The following PDE6A variants were observed in gnomAD, a reference collection of about 807,000 sequenced individuals.
PDE6A encodes phosphodiesterase 6A, also known as rod cGMP-specific 3',5'-cyclic phosphodiesterase subunit alpha.
In PDE6A, 84 loss-of-function variants were observed where a neutral mutation model predicts 106.3. The ratio of observed to expected loss-of-function variants is 0.79; its 90% CI spans 0.66 to 0.95. PDE6A has a LOEUF of 0.95. Among genes scored for constraint, PDE6A ranks in the 40% least tolerant of loss-of-function variants. PDE6A has a pLI of 0.00. For synonymous variants in PDE6A, 394 were observed against 386.6 expected (o/e 1.02, Z -0.23); for missense variants, 1,052 against 1,084.9 (o/e 0.97, Z 0.43).
At chr5:149,911,232 T>C (rs1753375891) in intron 6 of PDE6A, among the ~76,000 whole-genome samples, 1 of 152,114 alleles carries the variant, frequency 6.6e-6, no homozygotes. Flanking sequence ...CTTTAGTCCT[T>C]ACACACACAC....
At chr5:149,935,710 C>T (rs1477254284) in intron 1 of PDE6A, among the ~76,000 whole-genome samples, 2 of 152,176 alleles carry the variant, frequency 1.3e-5, no homozygotes, top group Admixed American at 1.3e-4. Context: ...CTTAAATTTA[C>T]AAGAATCCTC....
rs536823817 is a variant in PDE6A, at chr5:149,878,225, G to A, written c.2135+5204C>T. On this transcript the variant is annotated intron_variant, in intron 17 of 21. Transcript: ENST00000255266. ...CTTGGAAGGACATGAGTTCCCAGAG[G>A]GGTATGTGTGCCGTCAGCTGAAGAT... is the stretch of plus-strand genomic sequence containing the variant. Among the ~76,000 whole-genome samples, 10 of 152,236 alleles carry A rather than the reference G, an allele frequency of 6.6e-5. No homozygotes were observed. The East Asian group carries it at 1.9e-3, about 29-fold the overall frequency.
intron 17 of PDE6A, among the ~76,000 whole-genome samples, chr5:149,871,383 C>A (rs1444562133): frequency 6.6e-6 from 1 of 152,158 alleles, no homozygotes; most frequent in Non-Finnish European, 1.5e-5. Context: ...AAAGGACTTC[C>A]ATTCTTGGAG....
chr5:149,879,295 C>G (rs955313379), intron 17 of PDE6A, among the ~76,000 whole-genome samples: 1 of 152,132 alleles, frequency 6.6e-6, no homozygotes, highest in African/African-American at 2.4e-5. Flanking sequence ...TGGTCTCCAA[C>G]TTCAGACCTC....
At chr5:149,885,008 A>G (rs1393717266) in intron 14 of PDE6A, 141 bp from the exon 15 acceptor site, 1 of 716,832 alleles carries the variant, frequency 1.4e-6, no homozygotes, top group East Asian at 2.7e-5. Flanking sequence ...TAGAGAATCT[A>G]CTAAATAGCA....
At chr5:149,862,309 C>A (rs890119402) in intron 21 of PDE6A, among the ~76,000 whole-genome samples, 1 of 152,176 alleles carries the variant, frequency 6.6e-6, no homozygotes, top group Non-Finnish European at 1.5e-5. Context: ...CAACAAGGAA[C>A]AATTTGAGTT....
chr5:149,898,519 G>T lies in PDE6A; in HGVS notation c.1264-13C>A. 1 of 1,611,470 alleles carries T rather than the reference G, an allele frequency of 6.2e-7. No homozygotes were observed. Among genetic ancestry groups the T allele is most frequent in the Non-Finnish European group, 8.5e-7 (1 of 1,179,660 alleles). ...ATTGAGTCAAAGACTGAAAAAGAAA[G>T]AAAGGAGGAATCAGAGACAGAACAC... On this transcript the variant is annotated splice_polypyrimidine_tract_variant and intron_variant, in intron 9 of 21. Coordinates refer to ENST00000255266, the MANE Select transcript of PDE6A (RefSeq NM_000440.3).
intron 7 of PDE6A, among the ~76,000 whole-genome samples, chr5:149,905,594 C>T (rs1753150645): frequency 6.6e-6 from 1 of 152,180 alleles, no homozygotes; most frequent in Admixed American, 6.5e-5. Flanking sequence ...CCAGCTTCAC[C>T]CTCTCAATAT....
intron 3 of PDE6A, chr5:149,932,012 G>A: frequency 6.7e-7 from 1 of 1,499,562 alleles, no homozygotes; most frequent in African/African-American, 1.4e-5. Flanking sequence ...GTTACCTCTA[G>A]CGGCAAAACC....
intron 3 of PDE6A, chr5:149,932,068 C>A: frequency 2.1e-6 from 3 of 1,403,582 alleles, no homozygotes; most frequent in Non-Finnish European, 3.0e-6. Flanking sequence ...ATTGAATACA[C>A]GACCATTTCT....
intron 19 of PDE6A, chr5:149,866,643 A>C (rs1388611267): frequency 9.1e-6 from 2 of 220,534 alleles, no homozygotes; most frequent in African/African-American, 4.6e-5. Context: ...CTTAATCAAG[A>C]AAAATGAACA....
At chr5:149,871,029 A>G (rs894899815) in intron 17 of PDE6A, among the ~76,000 whole-genome samples, 1 of 152,132 alleles carries the variant, frequency 6.6e-6, no homozygotes, top group Non-Finnish European at 1.5e-5. Context: ...GTGACAATGG[A>G]GCAAAGGCCT....
chr5:149,910,143 C>T (rs1753330024), intron 6 of PDE6A, among the ~76,000 whole-genome samples: 1 of 151,882 alleles, frequency 6.6e-6, no homozygotes, highest in African/African-American at 2.4e-5. Context: ...GTAGATTGAC[C>T]CCTTTATCAT....
intron 6 of PDE6A, among the ~76,000 whole-genome samples, chr5:149,910,802 A>G (rs2113621615): frequency 6.6e-6 from 1 of 151,858 alleles, no homozygotes; most frequent in Admixed American, 6.6e-5. Context: ...CCAAACACTA[A>G]ATTGCTATCT....
chr5:149,942,379 T>C (rs1441396355), intron 1 of PDE6A, among the ~76,000 whole-genome samples: 1 of 152,174 alleles, frequency 6.6e-6, no homozygotes, highest in African/African-American at 2.4e-5. Flanking sequence ...ACCTGTTCCC[T>C]TTCTGACCTG....
chr5:149,860,944 T>C lies in PDE6A; in HGVS notation c.2534A>G (p.Asn845Ser), dbSNP rs765192034. The change falls in exon 22 of 22, where the codon AAC becomes AGC. Residue 845 changes from asparagine to serine, a missense_variant. Physicochemically the swap from Asn to Ser is conservative, Grantham distance 46 (BLOSUM62 1). Transcript: ENST00000255266. The part of the protein sequence containing the change: ...SAAAGNQPGG[N>S]PSPGGATTSK... ...TGTAGTTGCACCCCCTGGGCTGGGG[T>C]TTCCCCCCGGCTGATTTCCTGCGGC... The C allele has an allele frequency of 6.2e-7, 1 of 1,614,056 alleles. No individual in the cohort carries two copies. The highest frequency in any genetic ancestry group is 2.2e-5 in the East Asian group (1 of 44,880).
chr5:149,907,638 C>T (rs1259998744), intron 6 of PDE6A, among the ~76,000 whole-genome samples: 3 of 152,240 alleles, frequency 2.0e-5, no homozygotes, highest in Admixed American at 6.5e-5. Context: ...ATTCATTCTA[C>T]AGATTGTTAC....
rs983755595 is a variant in PDE6A, at chr5:149,867,474, C to A, written c.2274+251G>T. 5.1e-6 allele frequency: 3 copies of A among 589,888 alleles called. No homozygotes were observed. In the African/African-American group the frequency reaches 5.6e-5, roughly 11 times the overall value. The allele number at this position is 589,888 out of a possible 1,614,324, so 36.5% of individuals were successfully genotyped here. A position where few individuals can be genotyped will look rare whatever the true frequency, so the allele number is the denominator to read the frequency against. The stretch of plus-strand genomic sequence containing the variant: ...AGGAGGGCTTACTAGTTAGAGCATT[C>A]ATTGCAGGGGCCCACCCCCAGAGCT... On this transcript the variant is annotated intron_variant, in intron 19 of 21. Transcript: ENST00000255266.
At chr5:149,927,917 T>C (rs1370320284) in intron 4 of PDE6A, among the ~76,000 whole-genome samples, 1 of 151,836 alleles carries the variant, frequency 6.6e-6, no homozygotes, top group East Asian at 1.9e-4. Context: ...GTCAGGATCA[T>C]CAATATCCCC....
Sources: allele counts gnomAD v4.1 joint callset (sites outside exome capture counted in the v4.1 genomes callset), GRCh38; gene constraint gnomAD v4.1.1; transcripts MANE v1.5; gene names NCBI Gene and HGNC (gene_info 2026-07-23, HGNC 2026-07-21).